The following CD247 variants were observed in gnomAD, a reference collection of about 807,000 sequenced individuals.
The protein encoded by CD247 is CD247 molecule, also known as T-cell surface glycoprotein CD3 zeta chain.
CD247 carries 13 observed loss-of-function variants against 30.0 expected under a neutral mutation model. The observed-to-expected ratio is 0.43, with a 90% CI of 0.28 to 0.69. CD247 has a LOEUF of 0.69. CD247 is among the 30% of genes least tolerant of loss of function. The pLI, the probability that CD247 is intolerant of heterozygous loss-of-function variation, is 0.16. For synonymous variants in CD247, 72 were observed against 80.0 expected, an observed-to-expected ratio of 0.90 and a Z score of 0.53; for missense variants, 193 against 212.6, an observed-to-expected ratio of 0.91 and a Z score of 0.57.
chr1:167,511,105 G>C (rs1276622007), intron 1 of CD247, among the ~76,000 whole-genome samples: 2 of 152,178 alleles, frequency 1.3e-5, no homozygotes, highest in Non-Finnish European at 2.9e-5. Context: ...AAATAATTGT[G>C]AATAGATTAT....
chr1:167,470,463 C>CA (rs1558013124), intron 1 of CD247, among the ~76,000 whole-genome samples: 1 of 141,348 alleles, frequency 7.1e-6, no homozygotes, highest in Admixed American at 7.2e-5. Flanking sequence ...TTTTTATTTC[C>CA]TATATGACTT....
chr1:167,439,445 G>T (rs781241840), intron 2 of CD247, 45 bp from the exon 3 acceptor site: 19 of 1,595,398 alleles, frequency 1.2e-5, no homozygotes, highest in South Asian at 7.7e-5. Context: ...GCGAGGGCGC[G>T]CAGGGGAGCC....
chr1:167,478,469 G>A (rs1346654479), intron 1 of CD247, among the ~76,000 whole-genome samples: 1 of 152,238 alleles, frequency 6.6e-6, no homozygotes, highest in East Asian at 1.9e-4. Flanking sequence ...GATTGGACTT[G>A]TGTATGTGTG....
At chr1:167,498,040 G>A (rs1484608903) in intron 1 of CD247, among the ~76,000 whole-genome samples, 1 of 152,182 alleles carries the variant, frequency 6.6e-6, no homozygotes, top group East Asian at 1.9e-4. Flanking sequence ...TGCTGTAGAT[G>A]GGTGATGGTG....
chr1:167,517,981 C>G (rs1655688608), intron 1 of CD247, among the ~76,000 whole-genome samples: 2 of 152,138 alleles, frequency 1.3e-5, no homozygotes, highest in African/African-American at 4.8e-5. Flanking sequence ...GGCTGAGTGA[C>G]GGAGCCAGCC....
chr1:167,490,756 A>G (rs2102078035), intron 1 of CD247, among the ~76,000 whole-genome samples: 1 of 152,234 alleles, frequency 6.6e-6, no homozygotes, highest in East Asian at 1.9e-4. Flanking sequence ...CTCTACTAAA[A>G]ATACAAAAAT....
rs186924387 is a variant in CD247 at position 167,445,687 on chromosome 1, C to T, written c.59-4920G>A. Among the ~76,000 whole-genome samples the T allele has an allele frequency of 3.4e-3, 519 of 152,172 alleles. 3 individuals carry two copies. Among genetic ancestry groups the T allele is most frequent in the African/African-American group, 0.011 (449 of 41,506 alleles). Reference sequence around the variant, plus strand: ...CTCTGGGTGAGATTTACTTGAATTGCGTTGTTTGTCTGTCTGTCTCTGAGC... The same window carrying T: ...CTCTGGGTGAGATTTACTTGAATTGTGTTGTTTGTCTGTCTGTCTCTGAGC... On this transcript the variant is annotated intron_variant, in intron 1 of 7. Coordinates refer to ENST00000362089, the MANE Select transcript of CD247 (RefSeq NM_198053.3).
intron 5 of CD247, 188 bp from the exon 6 acceptor site, chr1:167,434,264 C>G (rs191531479): frequency 4.1e-5 from 27 of 655,448 alleles, no homozygotes; most frequent in East Asian, 2.7e-5. Flanking sequence ...GCCCACCCCC[C>G]TCATCCTCAG....
chr1:167,516,525 T>A (rs1737501), intron 1 of CD247, among the ~76,000 whole-genome samples: 15,766 of 152,242 alleles, frequency 0.1, 1,713 homozygotes, highest in African/African-American at 0.28. Flanking sequence ...AAATTCTATG[T>A]GCGGCCTTTC....
chr1:167,453,042 T>TATATATTATAGATATATATTATAG (rs1325167176), intron 1 of CD247, among the ~76,000 whole-genome samples: 10 of 148,238 alleles, frequency 6.7e-5, no homozygotes, highest in Non-Finnish European at 1.2e-4. Context: ...ATATTATATA[T>TATATATTATAGATATATATTATAG]ATATATATTA....
At position 167,452,596 on chromosome 1, in the gene CD247, G is replaced by T. The variant is rs1252878366; in HGVS notation, c.59-11829C>A. Among the ~76,000 whole-genome samples, 4 of 152,158 alleles carry T rather than the reference G, an allele frequency of 2.6e-5. No individual in the cohort carries two copies. In the East Asian group the frequency reaches 7.7e-4, roughly 29 times the overall value. On this transcript the variant is annotated intron_variant, in intron 1 of 7. Coordinates refer to ENST00000362089, the MANE Select transcript of CD247 (RefSeq NM_198053.3). ...GTCACGCACTGTGCTGGGCAGTGAGGGTGGAGGTGACAGACACAGATGTAG... is the reference window on the plus strand; with the variant it reads ...GTCACGCACTGTGCTGGGCAGTGAGTGTGGAGGTGACAGACACAGATGTAG...
At chr1:167,447,110 A>T (rs1652122490) in intron 1 of CD247, among the ~76,000 whole-genome samples, 1 of 152,256 alleles carries the variant, frequency 6.6e-6, no homozygotes, top group East Asian at 1.9e-4. Context: ...ATGATGTAAC[A>T]CATGCATGAA....
chr1:167,465,358 C>T (rs545429758), intron 1 of CD247, among the ~76,000 whole-genome samples: 135 of 144,164 alleles, frequency 9.4e-4, no homozygotes, highest in African/African-American at 3.3e-3. Context: ...GATGGAGTCC[C>T]GTTCAGTTGC....
At chr1:167,440,617 C>T in intron 2 of CD247, 47 bp downstream of exon 2, 3 of 1,289,734 alleles carry the variant, frequency 2.3e-6, no homozygotes, top group Non-Finnish European at 3.4e-6. Flanking sequence ...GAACATCCAT[C>T]AAGTGGGGGA....
intron 1 of CD247, among the ~76,000 whole-genome samples, chr1:167,475,605 G>C (rs1436794032): frequency 6.6e-6 from 1 of 152,198 alleles, no homozygotes; most frequent in Non-Finnish European, 1.5e-5. Flanking sequence ...CCTGAGGAAA[G>C]TACAATAACC....
intron 1 of CD247, among the ~76,000 whole-genome samples, chr1:167,457,135 C>T (rs1397289953): frequency 6.6e-6 from 1 of 152,204 alleles, no homozygotes; most frequent in African/African-American, 2.4e-5. Context: ...CCTGCTTTAG[C>T]GCTAGGAGCT....
intron 1 of CD247, among the ~76,000 whole-genome samples, chr1:167,489,709 G>C (rs1168541914): frequency 1.3e-5 from 2 of 152,160 alleles, no homozygotes; most frequent in African/African-American, 4.8e-5. Flanking sequence ...TTTTCAAAGG[G>C]CAAGAGCCCC....
At chr1:167,474,571 C>G (rs549498312) in intron 1 of CD247, among the ~76,000 whole-genome samples, 6 of 152,082 alleles carry the variant, frequency 3.9e-5, no homozygotes, top group African/African-American at 1.2e-4. Context: ...GCTGAGCCCC[C>G]GGTCTGGGAA....
intron 2 of CD247, 62 bp downstream of exon 2, chr1:167,440,602 C>T: frequency 9.0e-7 from 1 of 1,113,420 alleles, no homozygotes; most frequent in East Asian, 2.4e-5. Context: ...GACCAAGGCC[C>T]CTCTGAACAT....
Sources: gnomAD v4.1 joint callset for allele counts (sites outside exome capture counted in the v4.1 genomes callset) on GRCh38, gnomAD v4.1.1 for gene constraint, MANE v1.5 for transcripts, NCBI Gene and HGNC (gene_info 2026-07-23, HGNC 2026-07-21) for gene names.